Variants in KCNQ1 observed in about 807,000 individuals in gnomAD.
KCNQ1 encodes the protein potassium voltage-gated channel subfamily Q member 1.
Under a neutral mutation model 72.4 loss-of-function variants are expected in KCNQ1, and 49 were observed. The ratio of observed to expected loss-of-function variants is 0.68; its 90% CI spans 0.54 to 0.86. KCNQ1 has a LOEUF of 0.86. KCNQ1 is among the 40% of genes least tolerant of loss of function. The pLI is 0.00. For missense variants in KCNQ1, 790 were observed against 945.1 expected (o/e 0.84, Z 2.15); for synonymous variants, 450 against 412.6 (o/e 1.09, Z -1.10).
Position 2,735,920 on chromosome 11 carries a change from A to G in KCNQ1, c.1515-32924A>G, listed in dbSNP as rs75111228. Among the ~76,000 whole-genome samples, 3,197 of 151,866 alleles carry G rather than the reference A, an allele frequency of 0.021. 57 individuals are homozygous for G. The highest frequency in any genetic ancestry group is 0.099 in the Middle Eastern group (29 of 294). ...CTTATAAGACCCCATCTCCAGACACACAGTCACAGTCAGAGGCAGGAGGAG... is the reference window on the plus strand; with the variant it reads ...CTTATAAGACCCCATCTCCAGACACGCAGTCACAGTCAGAGGCAGGAGGAG... On this transcript the variant is annotated intron_variant, in intron 11 of 15. Coordinates refer to ENST00000155840, the MANE Select transcript of KCNQ1 (RefSeq NM_000218.3). The surrounding 1 kb of genome is among the most constrained non-coding windows in gnomAD (Gnocchi z 7.7).
Position 2,703,139 on chromosome 11 carries a change from C to T in KCNQ1, c.1514+41058C>T, listed in dbSNP as rs537367036. On this transcript the variant is annotated intron_variant, in intron 11 of 15. Coordinates refer to ENST00000155840, the MANE Select transcript of KCNQ1 (RefSeq NM_000218.3). This position sits in a 1 kb window ranked among gnomAD's most constrained non-coding sequence, Gnocchi z 6.4. ...GCTGCCAGGCAGGCTGGGAGGTGAG[C>T]CCAGGGCTGGCCTTGGGCACCATGG... 1.6e-3 allele frequency among the ~76,000 whole-genome samples: 240 copies of T among 152,298 alleles called. 1 individual carries two copies. The highest frequency in any genetic ancestry group is 6.8e-3 in the Middle Eastern group (2 of 294).
intron 15 of KCNQ1, among the ~76,000 whole-genome samples, chr11:2,793,023 G>T (rs916133435): frequency 5.9e-5 from 9 of 152,180 alleles, no homozygotes; most frequent in African/African-American, 2.2e-4. Context: ...CCTGTCTGCT[G>T]CCCGCAAAGG....
At chr11:2,641,041 T>G (rs1396512398) in intron 10 of KCNQ1, 1 of 398,410 alleles carries the variant, frequency 2.5e-6, no homozygotes, top group East Asian at 3.6e-5. Context: ...TATATTTACC[T>G]CATTTTCTTT....
chr11:2,712,199 A>C lies in KCNQ1; in HGVS notation c.1514+50118A>C, dbSNP rs1190481181. ...ATGAACACTTGCCGGCTCTCTATTC[A>C]TCCACACCCCCTGCATTTATTGAGT... On this transcript the variant is annotated intron_variant, in intron 11 of 15. Coordinates refer to ENST00000155840, the MANE Select transcript of KCNQ1 (RefSeq NM_000218.3). This position sits in a 1 kb window ranked among gnomAD's most constrained non-coding sequence, Gnocchi z 6.4. Among the ~76,000 whole-genome samples the C allele has an allele frequency of 1.3e-5, 2 of 151,980 alleles. No homozygotes were observed. The highest frequency in any genetic ancestry group is 4.8e-5 in the African/African-American group (2 of 41,378).
intron 1 of KCNQ1, among the ~76,000 whole-genome samples, chr11:2,506,595 G>A (rs1324378101): frequency 6.6e-6 from 1 of 152,214 alleles, no homozygotes; most frequent in Non-Finnish European, 1.5e-5. Context: ...TATTGTTGGA[G>A]GTGTTATCTT....
intron 1 of KCNQ1, among the ~76,000 whole-genome samples, chr11:2,459,432 A>G (rs1413278824): frequency 6.6e-6 from 1 of 152,176 alleles, no homozygotes; most frequent in African/African-American, 2.4e-5. Context: ...TGGAGGGAGC[A>G]GGTGAAGGCT....
Position 2,752,897 on chromosome 11 carries a change from G to A in KCNQ1, c.1515-15947G>A, listed in dbSNP as rs1049395161. On this transcript the variant is annotated intron_variant, in intron 11 of 15. Coordinates refer to ENST00000155840, the MANE Select transcript of KCNQ1 (RefSeq NM_000218.3). The surrounding 1 kb of genome is among the most constrained non-coding windows in gnomAD (Gnocchi z 5.2). ...TGAATCTGTTTCAGCCACCTCTCCC[G>A]AGGATCCTCGCACAATTTCACTGCC... 2.0e-5 allele frequency among the ~76,000 whole-genome samples: 3 copies of A among 152,086 alleles called. No individual in the cohort carries two copies. Among genetic ancestry groups the A allele is most frequent in the South Asian group, 2.1e-4 (1 of 4,828 alleles).
At chr11:2,701,007 G>T (rs1161096297) in intron 11 of KCNQ1, among the ~76,000 whole-genome samples, 1 of 152,224 alleles carries the variant, frequency 6.6e-6, no homozygotes, top group Non-Finnish European at 1.5e-5. Flanking sequence ...GTGTTGGAAT[G>T]CAGGACTCTG....
intron 11 of KCNQ1, among the ~76,000 whole-genome samples, chr11:2,736,147 G>A (rs1463438620): frequency 3.3e-5 from 5 of 152,184 alleles, no homozygotes; most frequent in Non-Finnish European, 4.4e-5. Context: ...TACCTGGGAA[G>A]GGGCCCAGGC....
chr11:2,751,235 C>A (rs1277903436), intron 11 of KCNQ1, among the ~76,000 whole-genome samples: 6 of 152,208 alleles, frequency 3.9e-5, no homozygotes, highest in Admixed American at 2.6e-4. Flanking sequence ...CTCATCCACA[C>A]CTTTCTTTCT....
chr11:2,845,591 C>CT (rs1007680234), intron 15 of KCNQ1, among the ~76,000 whole-genome samples: 1 of 152,228 alleles, frequency 6.6e-6, no homozygotes, highest in African/African-American at 2.4e-5. Context: ...AAACATGGGG[C>CT]TCCCTCTGGC....
At position 2,624,738 on chromosome 11, in the gene KCNQ1, C is replaced by A. The variant is rs1402034802; in HGVS notation, c.1393+35884C>A. ...TCTATATCCATTAAACAATAATTCC[C>A]CAACCCCCCCACCACCGCCATCTCT... On this transcript the variant is annotated intron_variant, in intron 10 of 15. Coordinates refer to ENST00000155840, the MANE Select transcript of KCNQ1 (RefSeq NM_000218.3). This position sits in a 1 kb window ranked among gnomAD's most constrained non-coding sequence, Gnocchi z 4.9. 1.3e-5 allele frequency: 5 copies of A among 398,290 alleles called. No homozygotes were observed. The Admixed American group carries it at 2.2e-4, about 18-fold the overall frequency. 24.7% of individuals were successfully genotyped at this position (398,290 alleles called of 1,614,324 possible).
At chr11:2,490,654 T>C (rs969214502) in intron 1 of KCNQ1, among the ~76,000 whole-genome samples, 3 of 152,256 alleles carry the variant, frequency 2.0e-5, no homozygotes, top group Non-Finnish European at 4.4e-5. Flanking sequence ...AGAATTCTTC[T>C]GGATCTTATC....
At position 2,570,816 on chromosome 11, in the gene KCNQ1, C is replaced by A. The variant is rs956580126; in HGVS notation, c.604+62C>A. ...TTTCCAGACCAGGAAGGACCCCCAC[C>A]TCATGACCCCTACCAGATGGAGTCC... On this transcript the variant is annotated intron_variant, in intron 3 of 15. Coordinates refer to ENST00000155840, the MANE Select transcript of KCNQ1 (RefSeq NM_000218.3). The A allele has an allele frequency of 8.3e-5, 133 of 1,598,234 alleles. 1 individual carries two copies. The African/African-American group carries it at 1.7e-3, about 20-fold the overall frequency.
In KCNQ1 at chr11:2,623,651, G is replaced by T. The variant is rs539266166; in HGVS notation, c.1393+34797G>T. 3.2e-4 allele frequency: 126 copies of T among 398,266 alleles called. No homozygotes were observed. Among genetic ancestry groups the T allele is most frequent in the Non-Finnish European group, 5.2e-4 (118 of 226,018 alleles). 24.7% of individuals were successfully genotyped at this position (398,266 alleles called of 1,614,324 possible). A position where few individuals can be genotyped will look rare whatever the true frequency, so the allele number is the denominator to read the frequency against. ...TATTTCATTGCCTGGATGTACTACAGTTTATCTGTCTACTCACCTATGGAA... is the reference window on the plus strand; with the variant it reads ...TATTTCATTGCCTGGATGTACTACATTTTATCTGTCTACTCACCTATGGAA... On this transcript the variant is annotated intron_variant, in intron 10 of 15. Coordinates refer to ENST00000155840, the MANE Select transcript of KCNQ1 (RefSeq NM_000218.3). The surrounding 1 kb of genome is among the most constrained non-coding windows in gnomAD (Gnocchi z 5.2).
intron 2 of KCNQ1, among the ~76,000 whole-genome samples, chr11:2,551,336 C>A (rs61871492): frequency 1.3e-5 from 2 of 152,216 alleles, no homozygotes; most frequent in Non-Finnish European, 2.9e-5. Context: ...TTTTCCAGAA[C>A]GTCATGTGAA....
intron 10 of KCNQ1, chr11:2,638,913 GT>G (rs1849524212): frequency 6.6e-6 from 1 of 151,948 alleles, no homozygotes; most frequent in South Asian, 2.1e-4. Flanking sequence ...TTGTTCGTTT[GT>G]TTTTACTCTT....
chr11:2,546,841 T>A (rs943180651), intron 2 of KCNQ1, among the ~76,000 whole-genome samples: 4 of 152,242 alleles, frequency 2.6e-5, no homozygotes, highest in African/African-American at 9.6e-5. Context: ...CATTTGTCAT[T>A]ATGAAACTGC....
chr11:2,640,147 G>C (rs1484170238), intron 10 of KCNQ1: 18 of 357,600 alleles, frequency 5.0e-5, no homozygotes, highest in Non-Finnish European at 7.5e-5. Flanking sequence ...CTGACCCCTT[G>C]TGCTTCCCAG....
Sources: gnomAD v4.1 joint callset for allele counts (sites outside exome capture counted in the v4.1 genomes callset) on GRCh38, gnomAD v4.1.1 for gene constraint, Gnocchi (gnomAD v3.1) non-coding constraint, MANE v1.5 for transcripts, NCBI Gene and HGNC (gene_info 2026-07-23, HGNC 2026-07-21) for gene names.